Variants in SAT1 observed in about 807,000 individuals in gnomAD.
SAT1 encodes spermidine/spermine N1-acetyltransferase 1, also known as diamine acetyltransferase 1.
In SAT1, 1 loss-of-function variant was observed where a neutral mutation model predicts 14.7. The ratio of observed to expected loss-of-function variants is 0.07; its 90% CI spans 0.02 to 0.32. The LOEUF (loss-of-function observed/expected upper bound fraction) is 0.32. Ranked by LOEUF, SAT1 falls within the 10% of genes least tolerant of loss-of-function variation. The pLI, the probability that SAT1 is intolerant of heterozygous loss-of-function variation, is 1.00. For synonymous variants in SAT1, 67 were observed against 46.1 expected (o/e 1.45, Z -1.84); for missense variants, 77 against 129.1 (o/e 0.60, Z 1.96).
At position 23,783,563 on chromosome X, in the gene SAT1, C is replaced by A. The variant is rs900361022; in HGVS notation, c.67-95C>A. The A allele has an allele frequency of 1.4e-5, 9 of 624,094 alleles. No homozygotes were observed. The African/African-American group carries it at 1.8e-4, about 13-fold the overall frequency. 51.4% of individuals were successfully genotyped at this position (624,094 alleles called of 1,213,427 possible). Reference sequence around the variant, plus strand: ...GCGCCCATCCCCGGCTCGGCCGCCACCCCGCCCGCCCGCCCCATTCCGTTC... The same window carrying A: ...GCGCCCATCCCCGGCTCGGCCGCCAACCCGCCCGCCCGCCCCATTCCGTTC... On this transcript the variant is annotated intron_variant, in intron 1 of 5. Transcript: ENST00000379270.
chrX:23,783,776 C>T (rs1922602181), intron 2 of SAT1, 24 bp from the exon 3 acceptor site: 2 of 1,209,533 alleles, frequency 1.7e-6, no homozygotes, highest in Non-Finnish European at 2.2e-6. Flanking sequence ...AGGCCATTAC[C>T]GCCCCTGCTC....
At position 23,785,725 on chromosome X, in the gene SAT1, G is replaced by C; in HGVS notation, c.385G>C (p.Val129Leu). Residue 129 changes from valine (V) to leucine (L), a missense_variant, in exon 6 of 6, where the codon GTA becomes CTA. Val to Leu is a conservative substitution (Grantham distance 32, BLOSUM62 1). Coordinates refer to ENST00000379270, the MANE Select transcript of SAT1 (RefSeq NM_002970.4). The part of the protein sequence containing the change: ...RCRCSSMHFL[V>L]AEWNEPSINF... ...TCGCTGCAGCAGCATGCACTTCTTGGTAGCAGAATGGAATGAACCATCCAT... is the reference window on the plus strand; with the variant it reads ...TCGCTGCAGCAGCATGCACTTCTTGCTAGCAGAATGGAATGAACCATCCAT... The C allele has an allele frequency of 8.3e-7, 1 of 1,209,547 alleles. No individual in the cohort carries two copies. Among genetic ancestry groups the C allele is most frequent in the Non-Finnish European group, 1.1e-6 (1 of 894,076 alleles).
At chrX:23,785,473 T>C (rs374606645) in intron 4 of SAT1, 44 bp downstream of exon 4, 32 of 1,170,104 alleles carry the variant, frequency 2.7e-5, no homozygotes, top group Non-Finnish European at 3.6e-5. Context: ...GAGTTCAGAG[T>C]TATAAATGCT....
Position 23,783,246 on chromosome X carries a change from C to T in SAT1, c.-106C>T. 1 of 762,888 alleles carries T rather than the reference C, an allele frequency of 1.3e-6. No homozygotes were observed. The highest frequency in any genetic ancestry group is 2.2e-5 in the South Asian group (1 of 45,618). 62.9% of individuals were successfully genotyped at this position (762,888 alleles called of 1,213,427 possible). A position where few individuals can be genotyped will look rare whatever the true frequency, so the allele number is the denominator to read the frequency against. On this transcript the variant is annotated 5_prime_UTR_variant, in exon 1 of 6. Transcript: ENST00000379270. ...AGGTTCCTTGGGTCATGGTGCCAGCCTGACTGAGAAGAGGACGCTCCCGGG... is the reference window on the plus strand; with the variant it reads ...AGGTTCCTTGGGTCATGGTGCCAGCTTGACTGAGAAGAGGACGCTCCCGGG...
At chrX:23,785,620 A>C in intron 5 of SAT1, 60 bp downstream of exon 5, 1 of 1,185,480 alleles carries the variant, frequency 8.4e-7, no homozygotes, top group East Asian at 3.0e-5. Context: ...TAATGATGGA[A>C]TAAAAATTGG....
At position 23,785,656 on chromosome X, in the gene SAT1, C is replaced by CT. The variant is rs112104496; in HGVS notation, c.346-29dup. The CT allele has an allele frequency of 9.5e-5, 114 of 1,196,855 alleles. 1 individual carries two copies. In the African/African-American group the frequency reaches 1.2e-3, roughly 13 times the overall value. On this transcript the variant is annotated intron_variant, in intron 5 of 5. Transcript: ENST00000379270. ...GTCTTGAGAGCAGGCTGAAATGTCACTGAGTGTGTGTTTTACTCTCTCATA... is the reference window on the plus strand; with the variant it reads ...GTCTTGAGAGCAGGCTGAAATGTCACTTGAGTGTGTGTTTTACTCTCTCATA...
rs1369844113 is a variant in SAT1 at position 23,783,186 on chromosome X, T to C, written c.-166T>C. 2 of 484,003 alleles carry C rather than the reference T, an allele frequency of 4.1e-6. No homozygotes were observed. Among genetic ancestry groups the C allele is most frequent in the Non-Finnish European group, 7.4e-6 (2 of 268,869 alleles). The allele number at this position is 484,003 out of a possible 1,213,427, so 39.9% of individuals were successfully genotyped here. A position where few individuals can be genotyped will look rare whatever the true frequency, so the allele number is the denominator to read the frequency against. The stretch of plus-strand genomic sequence containing the variant: ...CAATGTTCAAATGCGCAGCTCTTAG[T>C]CGCGGGCCGACTGGTGTTTATCCGT... On this transcript the variant is annotated 5_prime_UTR_variant, in exon 1 of 6. Transcript: ENST00000379270.
At chrX:23,784,033 A>G (rs1922619198) in intron 3 of SAT1, 150 bp downstream of exon 3, 1 of 1,136,929 alleles carries the variant, frequency 8.8e-7, no homozygotes, top group African/African-American at 1.8e-5. Flanking sequence ...ACTGAGGAAA[A>G]AAAAAAATTA....
intron 3 of SAT1, 30 bp downstream of exon 3, chrX:23,783,913 G>T (rs751859106): frequency 8.3e-7 from 1 of 1,211,670 alleles, no homozygotes; most frequent in African/African-American, 1.7e-5. Flanking sequence ...AGAAGCCAGA[G>T]AGACCAAGTG....
chrX:23,785,321 A>G lies in SAT1; in HGVS notation c.203-7A>G. 8.5e-6 allele frequency: 10 copies of G among 1,169,594 alleles called. No homozygotes were observed. Among genetic ancestry groups the G allele is most frequent in the Non-Finnish European group, 1.1e-5 (9 of 857,123 alleles). On this transcript the variant is annotated splice_region_variant and splice_polypyrimidine_tract_variant and intron_variant, in intron 3 of 5. Coordinates refer to ENST00000379270, the MANE Select transcript of SAT1 (RefSeq NM_002970.4). Reference sequence around the variant, plus strand: ...TCTCCACATCTCATGTGATGCTCTTATTACAGGACACAGCATTGTTGGTTT... The same window carrying G: ...TCTCCACATCTCATGTGATGCTCTTGTTACAGGACACAGCATTGTTGGTTT...
rs73625179 is a variant in SAT1 at position 23,785,034 on chromosome X, C to T, written c.203-294C>T. 3.3e-3 allele frequency: 1,087 copies of T among 327,962 alleles called. 11 individuals are homozygous for T. Among genetic ancestry groups the T allele is most frequent in the African/African-American group, 0.025 (965 of 38,226 alleles). 27.0% of individuals were successfully genotyped at this position (327,962 alleles called of 1,213,427 possible). A position where few individuals can be genotyped will look rare whatever the true frequency, so the allele number is the denominator to read the frequency against. On this transcript the variant is annotated intron_variant, in intron 3 of 5. Coordinates refer to ENST00000379270, the MANE Select transcript of SAT1 (RefSeq NM_002970.4). ...CTCTGGCAAGTAATGAAAGCGTTCTCGCTTCCTGAGTGTGAGCTCCAGCAG... is the reference window on the plus strand; with the variant it reads ...CTCTGGCAAGTAATGAAAGCGTTCTTGCTTCCTGAGTGTGAGCTCCAGCAG...
intron 3 of SAT1, 33 bp from the exon 4 acceptor site, chrX:23,785,295 T>C (rs760906221): frequency 5.6e-6 from 6 of 1,063,849 alleles, no homozygotes; most frequent in Non-Finnish European, 7.9e-6. Context: ...AATGTTTTCC[T>C]TCTCCACATC....
At chrX:23,783,579 C>CCAAACCAA in intron 1 of SAT1, 79 bp from the exon 2 acceptor site, 5 of 770,299 alleles carry the variant, frequency 6.5e-6, no homozygotes, top group African/African-American at 2.1e-5. Context: ...CCGCCCGCCC[C>CCAAACCAA]ATTCCGTTCC....
Position 23,785,405 on chromosome X carries a change from T to A in SAT1, c.280T>A (p.Phe94Ile). Residue 94 changes from phenylalanine to isoleucine, a missense_variant, in exon 4 of 6, where the codon TTC becomes ATC. Coordinates refer to ENST00000379270, the MANE Select transcript of SAT1 (RefSeq NM_002970.4). ...TGGCAAGTTATTGTATCTTGAGGAC[T>A]TCTTCGTGATGAGTGATTATAGAGG... ...WIGKLLYLED[F>I]FVMSDYRGFG... The A allele has an allele frequency of 8.3e-7, 1 of 1,201,408 alleles. No individual in the cohort carries two copies. The highest frequency in any genetic ancestry group is 1.1e-6 in the Non-Finnish European group (1 of 885,791).
Position 23,785,367 on chromosome X carries a change from A to G in SAT1, c.242A>G (p.Tyr81Cys). ...GGTTTTGCCATGTACTATTTTACCT[A>G]TGACCCGTGGATTGGCAAGTTATTG... ...IVGFAMYYFT[Y>C]DPWIGKLLYL... The change falls in exon 4 of 6, where the codon TAT becomes TGT. Residue 81 changes from tyrosine (Y) to cysteine (C), a missense_variant. Coordinates refer to ENST00000379270, the MANE Select transcript of SAT1 (RefSeq NM_002970.4). 1 of 1,208,375 alleles carries G rather than the reference A, an allele frequency of 8.3e-7. No individual in the cohort carries two copies. The highest frequency in any genetic ancestry group is 1.1e-6 in the Non-Finnish European group (1 of 892,354).
At position 23,783,887 on chromosome X, in the gene SAT1, A is replaced by T. The variant is rs1335004247; in HGVS notation, c.202+4A>T. On this transcript the variant is annotated splice_donor_region_variant and intron_variant, in intron 3 of 5. Transcript: ENST00000379270. The stretch of plus-strand genomic sequence containing the variant: ...AAAGAGCACTGGACTCCGGAAGGTA[A>T]CCCCTCGCCCTTTCCAGAAGCCAGA... 1 of 1,209,163 alleles carries T rather than the reference A, an allele frequency of 8.3e-7. No homozygotes were observed. The highest frequency in any genetic ancestry group is 1.8e-5 in the African/African-American group (1 of 56,902).
rs1408280876 is a variant in SAT1, at chrX:23,786,156, C to CT, written c.*301dup. ...CATTTAAATGTGTACAATGTACACA[C>CT]TGGTACTTAGAGTTTCTGTTTGATT... On this transcript the variant is annotated 3_prime_UTR_variant, in exon 6 of 6. Transcript: ENST00000379270. The CT allele has an allele frequency of 5.5e-6, 1 of 182,370 alleles. No individual in the cohort carries two copies. The highest frequency in any genetic ancestry group is 1.0e-5 in the Non-Finnish European group (1 of 99,315). The allele number at this position is 182,370 out of a possible 1,213,427, so 15.0% of individuals were successfully genotyped here.
intron 3 of SAT1, chrX:23,785,062 T>G (rs1922666664): frequency 2.7e-6 from 1 of 371,716 alleles, no homozygotes; most frequent in African/African-American, 2.5e-5. Flanking sequence ...TCCAGCAGAC[T>G]GCAGAGTGGC....
intron 1 of SAT1, 84 bp from the exon 2 acceptor site, chrX:23,783,574 C>CCCCCCCAAAACAA: frequency 1.4e-6 from 1 of 718,045 alleles, no homozygotes; most frequent in Non-Finnish European, 2.0e-6. Context: ...CCCGCCCGCC[C>CCCCCCCAAAACAA]GCCCCATTCC....
Sources: allele counts gnomAD v4.1 joint callset, GRCh38; gene constraint gnomAD v4.1.1; transcripts MANE v1.5; gene names NCBI Gene and HGNC (gene_info 2026-07-23, HGNC 2026-07-21).